ANKS1A: variants seen among roughly 807,000 people sequenced by gnomAD.
The protein encoded by ANKS1A is ankyrin repeat and sterile alpha motif domain containing 1A, also known as ankyrin repeat and SAM domain-containing protein 1A.
ANKS1A carries 55 observed loss-of-function variants against 120.3 expected under a neutral mutation model. The ratio of observed to expected loss-of-function variants is 0.46; its 90% CI spans 0.37 to 0.57. The LOEUF (loss-of-function observed/expected upper bound fraction) is 0.57. ANKS1A is among the 20% of genes least tolerant of loss of function. The probability of loss-of-function intolerance (pLI) is 0.00; values close to 1 mark genes in which losing one functional copy is unlikely to be tolerated. For missense variants in ANKS1A, 1,123 were observed against 1,480.3 expected, an observed-to-expected ratio of 0.76 and a Z score of 3.96; for synonymous variants, 590 against 604.7, an observed-to-expected ratio of 0.98 and a Z score of 0.36.
chr6:34,924,417 C>T (rs984972261), intron 1 of ANKS1A, among the ~76,000 whole-genome samples: 1 of 152,140 alleles, frequency 6.6e-6, no homozygotes. Context: ...CAAAAAGTTT[C>T]TACAAAGGCA....
intron 12 of ANKS1A, among the ~76,000 whole-genome samples, chr6:35,054,677 A>G (rs1324135188): frequency 1.3e-5 from 2 of 152,124 alleles, no homozygotes; most frequent in African/African-American, 4.8e-5. Context: ...TTCATCACTT[A>G]CCATTCTTAC....
intron 1 of ANKS1A, among the ~76,000 whole-genome samples, chr6:34,926,278 T>C (rs886874573): frequency 6.6e-6 from 1 of 152,112 alleles, no homozygotes; most frequent in African/African-American, 2.4e-5. Context: ...TCTTGGACTT[T>C]CAGGGGCAAA....
Position 35,091,270 on chromosome 6 carries a change from G to C in ANKS1A, c.*2661G>C, listed in dbSNP as rs939373523. On this transcript the variant is annotated 3_prime_UTR_variant, in exon 24 of 24. Transcript: ENST00000360359. Reference sequence around the variant, plus strand: ...TTGAGGTACCAAACATAACCAATCTGTGCAACAACATAGACTGACCTCAGT... The same window carrying C: ...TTGAGGTACCAAACATAACCAATCTCTGCAACAACATAGACTGACCTCAGT... 2.0e-6 allele frequency: 2 copies of C among 985,730 alleles called. No individual in the cohort carries two copies. Among genetic ancestry groups the C allele is most frequent in the Non-Finnish European group, 2.4e-6 (2 of 829,948 alleles). The allele number at this position is 985,730 out of a possible 1,614,324, so 61.1% of individuals were successfully genotyped here.
chr6:34,989,691 T>A (rs1382909919), intron 9 of ANKS1A, among the ~76,000 whole-genome samples: 1 of 152,226 alleles, frequency 6.6e-6, no homozygotes, highest in Non-Finnish European at 1.5e-5. Context: ...TTAGTGCTTC[T>A]GCCCCAAACA....
chr6:35,060,150 T>C lies in ANKS1A; in HGVS notation c.2081T>C (p.Leu694Ser), dbSNP rs820085. 1 allele frequency: 1,609,933 copies of C among 1,613,282 alleles called. 803,352 individuals are homozygous for C. The highest frequency in any genetic ancestry group is 1 in the East Asian group (44,870 of 44,870). Residue 694 changes from leucine to serine, a missense_variant, in exon 13 of 24, where the codon TTA becomes TCA. This residue lies in a region of ANKS1A where 904 missense variants were observed against 1,130.4 expected (regional missense o/e 0.80). Coordinates refer to ENST00000360359, the MANE Select transcript of ANKS1A (RefSeq NM_015245.3). This position sits in a 1 kb window ranked among gnomAD's most constrained non-coding sequence, Gnocchi z 4.5. ...FSQERQKISG[L>S]RTLEQSVGEW... Reference sequence around the variant, plus strand: ...CTGCCGATTCCTCTCTCATCAGGTTTACGGACGCTGGAGCAGAGTGTCGGG... The same window carrying C: ...CTGCCGATTCCTCTCTCATCAGGTTCACGGACGCTGGAGCAGAGTGTCGGG...
At chr6:34,912,146 G>A (rs868192974) in intron 1 of ANKS1A, among the ~76,000 whole-genome samples, 14 of 152,178 alleles carry the variant, frequency 9.2e-5, no homozygotes, top group African/African-American at 2.9e-4. Context: ...AATGATTTGC[G>A]TGATCATTGT....
chr6:35,060,088 C>A lies in ANKS1A; in HGVS notation c.2078-59C>A. 7.0e-7 allele frequency: 1 copy of A among 1,422,156 alleles called. No individual in the cohort carries two copies. The highest frequency in any genetic ancestry group is 9.8e-7 in the Non-Finnish European group (1 of 1,021,084). 88.1% of individuals were successfully genotyped at this position (1,422,156 alleles called of 1,614,324 possible). A position where few individuals can be genotyped will look rare whatever the true frequency, so the allele number is the denominator to read the frequency against. On this transcript the variant is annotated intron_variant, in intron 12 of 23. Coordinates refer to ENST00000360359, the MANE Select transcript of ANKS1A (RefSeq NM_015245.3). This position sits in a 1 kb window ranked among gnomAD's most constrained non-coding sequence, Gnocchi z 4.5. ...GCCATCTATCTTCCTCTGAGTGCCGCTGCTACCGCCTTAATGGTTTTTCCC... is the reference window on the plus strand; with the variant it reads ...GCCATCTATCTTCCTCTGAGTGCCGATGCTACCGCCTTAATGGTTTTTCCC...
chr6:35,089,354 A>G lies in ANKS1A; in HGVS notation c.*745A>G. On this transcript the variant is annotated 3_prime_UTR_variant, in exon 24 of 24. Coordinates refer to ENST00000360359, the MANE Select transcript of ANKS1A (RefSeq NM_015245.3). ...CTAGTGCTGGGAAGTCTTAGCCAGC[A>G]CCAGAGCGCCAGGCCTCTCCCTGGC... The G allele has an allele frequency of 3.0e-6, 3 of 986,778 alleles. No individual in the cohort carries two copies. Among genetic ancestry groups the G allele is most frequent in the Non-Finnish European group, 3.6e-6 (3 of 830,648 alleles). 61.1% of individuals were successfully genotyped at this position (986,778 alleles called of 1,614,324 possible). A position where few individuals can be genotyped will look rare whatever the true frequency, so the allele number is the denominator to read the frequency against.
rs139976353 is a variant in ANKS1A at position 34,985,221 on chromosome 6, A to G, written c.1152A>G (p.Gln384=). The part of the protein sequence containing the change: ...DSMASGRSSD[Q]DSTNKEAEAA... ...TGGCCAGCGGGCGATCATCTGACCAAGACTCCACGAACAAGGAGGCTGAGG... is the reference window on the plus strand; with the variant it reads ...TGGCCAGCGGGCGATCATCTGACCAGGACTCCACGAACAAGGAGGCTGAGG... Residue 384 remains glutamine (Q), a synonymous_variant, in exon 8 of 24, where the codon CAA becomes CAG. Transcript: ENST00000360359. The G allele has an allele frequency of 2.5e-6, 4 of 1,614,222 alleles. No individual in the cohort carries two copies. Among genetic ancestry groups the G allele is most frequent in the Non-Finnish European group, 3.4e-6 (4 of 1,180,032 alleles).
chr6:34,955,049 C>A (rs930229770), intron 1 of ANKS1A, among the ~76,000 whole-genome samples: 2 of 152,098 alleles, frequency 1.3e-5, no homozygotes, highest in African/African-American at 4.8e-5. Flanking sequence ...TATTTACCTG[C>A]TGAACCACTT....
intron 23 of ANKS1A, among the ~76,000 whole-genome samples, chr6:35,088,136 C>T (rs546456113): frequency 3.8e-4 from 58 of 152,216 alleles, no homozygotes; most frequent in Non-Finnish European, 2.8e-4. Context: ...CCAGCATGCC[C>T]CTGACCACCT....
rs1777913861 is a variant in ANKS1A at position 35,085,504 on chromosome 6, C to G, written c.3133-262C>G. 6.6e-6 allele frequency among the ~76,000 whole-genome samples: 1 copy of G among 152,214 alleles called. No individual in the cohort carries two copies. Among genetic ancestry groups the G allele is most frequent in the Non-Finnish European group, 1.5e-5 (1 of 68,034 alleles). ...TACTGCTGCAGGCACGGCACCCTGC[C>G]TTGGAAAAGACCTGCCGTAGGCTTA... On this transcript the variant is annotated intron_variant, in intron 21 of 23. Transcript: ENST00000360359. This position sits in a 1 kb window ranked among gnomAD's most constrained non-coding sequence, Gnocchi z 4.7.
chr6:34,959,002 A>G (rs980444441), intron 1 of ANKS1A, among the ~76,000 whole-genome samples: 5 of 152,170 alleles, frequency 3.3e-5, no homozygotes, highest in African/African-American at 4.8e-5. Flanking sequence ...ATTGGATTCA[A>G]CTGGATTGGA....
intron 13 of ANKS1A, among the ~76,000 whole-genome samples, chr6:35,067,253 C>T (rs963349651): frequency 7.2e-5 from 11 of 152,146 alleles, no homozygotes; most frequent in African/African-American, 1.7e-4. Context: ...CCCCCACCCC[C>T]GGGCCAGCCC....
chr6:34,947,517 ATC>A (rs1342856099), intron 1 of ANKS1A, among the ~76,000 whole-genome samples: 1 of 152,080 alleles, frequency 6.6e-6, no homozygotes, highest in Non-Finnish European at 1.5e-5. Context: ...TCATTAAAGA[ATC>A]TCTGAATTTT....
At chr6:34,893,228 G>A (rs1302846077) in intron 1 of ANKS1A, among the ~76,000 whole-genome samples, 2 of 152,186 alleles carry the variant, frequency 1.3e-5, no homozygotes, top group African/African-American at 4.8e-5. Flanking sequence ...CTCAGTCTTA[G>A]TCATCCTCAG....
At position 34,975,753 on chromosome 6, in the gene ANKS1A, C is replaced by CA. The variant is rs34615082; in HGVS notation, c.435+5597dup. Among the ~76,000 whole-genome samples, 193 of 147,650 alleles carry CA rather than the reference C, an allele frequency of 1.3e-3. 1 individual carries two copies. Among genetic ancestry groups the CA allele is most frequent in the Middle Eastern group, 7.2e-3 (2 of 278 alleles). Reference sequence around the variant, plus strand: ...TGGGCAACAGAGTGAGACCCTGTCTCAAAAAAAAAATAATAATAATAATAG... The same window carrying CA: ...TGGGCAACAGAGTGAGACCCTGTCTCAAAAAAAAAAATAATAATAATAATAG... On this transcript the variant is annotated intron_variant, in intron 3 of 23. Coordinates refer to ENST00000360359, the MANE Select transcript of ANKS1A (RefSeq NM_015245.3).
chr6:35,015,308 C>T (rs1204917312), intron 10 of ANKS1A, among the ~76,000 whole-genome samples: 5 of 152,110 alleles, frequency 3.3e-5, no homozygotes, highest in African/African-American at 4.8e-5. Context: ...ACCAGCCTGG[C>T]CAACATGGCA....
downstream of ANKS1A, among the ~76,000 whole-genome samples, chr6:35,095,328 T>C (rs1473488766): frequency 6.6e-6 from 1 of 151,504 alleles, no homozygotes; most frequent in Non-Finnish European, 1.5e-5. Context: ...ATCCCAGCAC[T>C]TTGGGAGGCT....
Sources: allele counts gnomAD v4.1 joint callset (sites outside exome capture counted in the v4.1 genomes callset), GRCh38; gene constraint gnomAD v4.1.1; regional missense constraint gnomAD v4.1.1; non-coding constraint Gnocchi (gnomAD v3.1); transcripts MANE v1.5; gene names NCBI Gene and HGNC (gene_info 2026-07-23, HGNC 2026-07-21).